Variants in PDE11A observed in about 807,000 individuals in gnomAD.
The protein encoded by PDE11A is phosphodiesterase 11A.
In PDE11A, 100 loss-of-function variants were observed where a neutral mutation model predicts 100.5. That is an observed-to-expected ratio of 1.00 (90% CI 0.85 to 1.18). The LOEUF is 1.18. Ranked by LOEUF, PDE11A falls within the 50% of genes most tolerant of loss-of-function variation. The pLI, the probability that PDE11A is intolerant of heterozygous loss-of-function variation, is 0.00. For synonymous variants in PDE11A, 381 were observed against 420.8 expected (o/e 0.91, Z 1.16); for missense variants, 1,141 against 1,152.6 (o/e 0.99, Z 0.15).
Position 177,631,535 on chromosome 2 carries a change from A to AG in PDE11A, c.2647-1974_2647-1973insC, listed in dbSNP as rs2079934117. ...AAAATATATATATATATATATATAT[A>AG]TATATATATATACACATGTATATAT... On this transcript the variant is annotated intron_variant, in intron 19 of 19. Transcript: ENST00000286063. 6.3e-5 allele frequency among the ~76,000 whole-genome samples: 2 copies of AG among 31,904 alleles called. 1 individual carries two copies. Among genetic ancestry groups the AG allele is most frequent in the Non-Finnish European group, 1.1e-4 (2 of 18,060 alleles). The allele number at this position is 31,904 out of a possible 152,430, so 20.9% of individuals were successfully genotyped here.
chr2:178,083,099 A>AT (rs71870174), intron 2 of PDE11A, among the ~76,000 whole-genome samples: 2,328 of 138,780 alleles, frequency 0.017, 34 homozygotes, highest in African/African-American at 0.041. Context: ...TAAAACTAAA[A>AT]TTTTTTTTTT....
Position 177,840,784 on chromosome 2 carries a change from A to G in PDE11A, c.1368-401T>C, listed in dbSNP as rs116796660. On this transcript the variant is annotated intron_variant, in intron 5 of 19. Transcript: ENST00000286063. ...GCACAAGGAAGAATGAAACCCAAGT[A>G]GGGAAAAATCAGGAAGTAAATTGGG... Among the ~76,000 whole-genome samples the G allele has an allele frequency of 2.1e-3, 326 of 152,342 alleles. 4 individuals carry two copies. Among genetic ancestry groups the G allele is most frequent in the Non-Finnish European group, 3.9e-3 (262 of 68,034 alleles).
At chr2:178,040,222 A>T (rs1222425397) in intron 1 of PDE11A, among the ~76,000 whole-genome samples, 12 of 151,800 alleles carry the variant, frequency 7.9e-5, no homozygotes, top group Admixed American at 7.9e-4. Context: ...GCACTACTAC[A>T]CCTGGCTAAT....
intron 5 of PDE11A, among the ~76,000 whole-genome samples, chr2:177,862,394 G>T (rs369004709): frequency 3.4e-4 from 51 of 151,932 alleles, no homozygotes; most frequent in African/African-American, 1.2e-3. Flanking sequence ...TTACTGCAAT[G>T]AAGAAGTACA....
intron 9 of PDE11A, among the ~76,000 whole-genome samples, chr2:177,785,026 C>T (rs1199540056): frequency 6.6e-6 from 1 of 152,106 alleles, no homozygotes; most frequent in African/African-American, 2.4e-5. Flanking sequence ...CTTAATTTGT[C>T]AATGCTTAGT....
At chr2:178,008,785 G>T (rs904999292) in intron 2 of PDE11A, among the ~76,000 whole-genome samples, 1 of 152,130 alleles carries the variant, frequency 6.6e-6, no homozygotes, top group Non-Finnish European at 1.5e-5. Context: ...CTGGAACACA[G>T]CCAGCCCCTC....
At chr2:177,800,309 A>G (rs2082772018) in intron 9 of PDE11A, among the ~76,000 whole-genome samples, 1 of 151,932 alleles carries the variant, frequency 6.6e-6, no homozygotes, top group South Asian at 2.1e-4. Flanking sequence ...AGCTGGGACT[A>G]TAGGTGCATG....
intron 14 of PDE11A, among the ~76,000 whole-genome samples, chr2:177,697,901 C>T (rs561060708): frequency 8.8e-4 from 134 of 152,294 alleles, no homozygotes; most frequent in African/African-American, 3.1e-3. Context: ...GCCATTAGAA[C>T]AGTGGTTCTC....
chr2:177,747,828 T>C (rs929903599), intron 10 of PDE11A, among the ~76,000 whole-genome samples: 1 of 152,170 alleles, frequency 6.6e-6, no homozygotes, highest in Non-Finnish European at 1.5e-5. Flanking sequence ...TGTGGGCCTC[T>C]GAATATCACT....
chr2:177,716,898 C>T (rs1383933323), intron 12 of PDE11A, among the ~76,000 whole-genome samples: 2 of 152,230 alleles, frequency 1.3e-5, no homozygotes, highest in Admixed American at 6.5e-5. Flanking sequence ...CATCAGTTAT[C>T]ACCCATTTTA....
intron 19 of PDE11A, among the ~76,000 whole-genome samples, chr2:177,633,746 T>C (rs182175973): frequency 6.6e-6 from 1 of 152,340 alleles, no homozygotes; most frequent in Admixed American, 6.5e-5. Context: ...TTTTATTTAG[T>C]ATAGCTTGGC....
Position 178,048,455 on chromosome 2 carries a change from A to C in PDE11A, c.912+23071T>G, listed in dbSNP as rs79752719. ...ATTTCCCCCTTTTCTGTTTTCCATG[A>C]GGAGAGACTTCCCTTAACCCGTCCA... is the stretch of plus-strand genomic sequence containing the variant. On this transcript the variant is annotated intron_variant, in intron 1 of 19. Coordinates refer to ENST00000286063, the MANE Select transcript of PDE11A (RefSeq NM_016953.4). Among the ~76,000 whole-genome samples, 1,167 of 152,220 alleles carry C rather than the reference A, an allele frequency of 7.7e-3. 21 individuals carry two copies. The highest frequency in any genetic ancestry group is 0.027 in the African/African-American group (1,111 of 41,534).
intron 1 of PDE11A, among the ~76,000 whole-genome samples, chr2:178,047,448 G>A (rs1174340000): frequency 6.8e-6 from 1 of 147,898 alleles, no homozygotes; most frequent in Non-Finnish European, 1.5e-5. Flanking sequence ...GGGCCACAGA[G>A]CAAGAGTCTG....
intron 12 of PDE11A, among the ~76,000 whole-genome samples, chr2:177,721,255 T>C (rs2081521850): frequency 6.6e-6 from 1 of 152,200 alleles, no homozygotes; most frequent in Non-Finnish European, 1.5e-5. Context: ...GCGGCTTGTT[T>C]CATCTGTCTC....
chr2:177,979,701 C>T (rs1440680823), intron 2 of PDE11A, among the ~76,000 whole-genome samples: 1 of 144,766 alleles, frequency 6.9e-6, no homozygotes, highest in Non-Finnish European at 1.5e-5. Flanking sequence ...AGCTCTGCTT[C>T]CCGGGTTCAT....
intron 4 of PDE11A, among the ~76,000 whole-genome samples, chr2:177,890,777 A>T (rs896826293): frequency 3.9e-5 from 6 of 152,232 alleles, no homozygotes; most frequent in Non-Finnish European, 8.8e-5. Context: ...CTGGAAGAGA[A>T]GATACAAGAA....
intron 2 of PDE11A, among the ~76,000 whole-genome samples, chr2:178,091,379 T>A (rs1014139483): frequency 1.4e-4 from 21 of 152,136 alleles, no homozygotes; most frequent in African/African-American, 5.1e-4. Context: ...CCCACTAATA[T>A]CTTAACTAGC....
intron 2 of PDE11A, among the ~76,000 whole-genome samples, chr2:177,944,142 G>A (rs2085376141): frequency 6.6e-6 from 1 of 152,140 alleles, no homozygotes; most frequent in African/African-American, 2.4e-5. Flanking sequence ...GGAATCTACA[G>A]GAAAGAAGAC....
intron 12 of PDE11A, among the ~76,000 whole-genome samples, chr2:177,724,728 T>C (rs2081575557): frequency 6.6e-6 from 1 of 152,108 alleles, no homozygotes; most frequent in Non-Finnish European, 1.5e-5. Flanking sequence ...AGGAAAAACA[T>C]TTATTTTGTG....
Sources: allele counts gnomAD v4.1 joint callset (sites outside exome capture counted in the v4.1 genomes callset), GRCh38; gene constraint gnomAD v4.1.1; transcripts MANE v1.5; gene names NCBI Gene and HGNC (gene_info 2026-07-23, HGNC 2026-07-21).